COL24A1: variants seen among roughly 807,000 people sequenced by gnomAD.
The protein encoded by COL24A1 is collagen alpha-1(XXIV) chain.
In COL24A1, 224 loss-of-function variants were observed where a neutral mutation model predicts 253.9. The observed-to-expected ratio is 0.88, with a 90% CI of 0.79 to 0.99. The LOEUF is 0.99. Ranked by LOEUF, COL24A1 falls within the 50% of genes least tolerant of loss-of-function variation. COL24A1 has a pLI of 0.00. For synonymous variants in COL24A1, 685 were observed against 673.7 expected, an observed-to-expected ratio of 1.02 and a Z score of -0.26; for missense variants, 2,131 against 2,068.5, an observed-to-expected ratio of 1.03 and a Z score of -0.59.
intron 37 of COL24A1, among the ~76,000 whole-genome samples, chr1:85,861,675 G>A (rs960364298): frequency 1.4e-4 from 21 of 152,126 alleles, no homozygotes; most frequent in Non-Finnish European, 2.4e-4. Context: ...TTGTCTTGGC[G>A]TATGATGTGC....
At chr1:85,818,369 T>C (rs774514684) in intron 45 of COL24A1, among the ~76,000 whole-genome samples, 42 of 152,310 alleles carry the variant, frequency 2.8e-4, no homozygotes, top group African/African-American at 5.3e-4. Flanking sequence ...TTAATAAATG[T>C]CCCTACTTTC....
chr1:85,782,351 G>C (rs1179832729), intron 51 of COL24A1, among the ~76,000 whole-genome samples: 2 of 152,196 alleles, frequency 1.3e-5, no homozygotes, highest in Non-Finnish European at 2.9e-5. Flanking sequence ...GCCTCCCAAA[G>C]TGCTGGGATT....
intron 43 of COL24A1, among the ~76,000 whole-genome samples, chr1:85,829,827 A>C (rs1380196729): frequency 1.3e-5 from 2 of 151,778 alleles, no homozygotes; most frequent in African/African-American, 4.8e-5. Flanking sequence ...CATTCTTCTA[A>C]ATTTTTTTCA....
intron 24 of COL24A1, among the ~76,000 whole-genome samples, chr1:85,946,274 G>A (rs6695831): frequency 1.8e-3 from 275 of 152,142 alleles, no homozygotes; most frequent in African/African-American, 5.8e-3. Context: ...TGACTCCACC[G>A]GGAAAGGACT....
intron 55 of COL24A1, among the ~76,000 whole-genome samples, chr1:85,758,055 T>C (rs1666446397): frequency 6.6e-6 from 1 of 152,136 alleles, no homozygotes; most frequent in African/African-American, 2.4e-5. Flanking sequence ...TCATTATACT[T>C]TGGGAGAATG....
chr1:85,925,817 A>G (rs1224989619), intron 24 of COL24A1, among the ~76,000 whole-genome samples: 3 of 152,234 alleles, frequency 2.0e-5, no homozygotes, highest in African/African-American at 7.2e-5. Flanking sequence ...GCCAAAATAG[A>G]CAAATGGGAT....
chr1:85,913,440 T>C (rs1685565883), intron 24 of COL24A1, among the ~76,000 whole-genome samples: 1 of 152,174 alleles, frequency 6.6e-6, no homozygotes, highest in South Asian at 2.1e-4. Flanking sequence ...GTGGTACTAC[T>C]CACTATTACC....
chr1:85,850,269 C>T (rs1445590862), intron 37 of COL24A1, among the ~76,000 whole-genome samples: 6 of 152,006 alleles, frequency 3.9e-5, no homozygotes, highest in Admixed American at 2.6e-4. Flanking sequence ...TCCCTGCATT[C>T]GCTGGAAATG....
chr1:86,135,766 G>T (rs1023663425), intron 2 of COL24A1, among the ~76,000 whole-genome samples: 5 of 151,872 alleles, frequency 3.3e-5, no homozygotes, highest in African/African-American at 1.2e-4. Context: ...GTGATAAGGG[G>T]GACATATTTG....
At chr1:85,908,008 GAAGCTTCACA>G (rs1685003403) in intron 27 of COL24A1, among the ~76,000 whole-genome samples, 2 of 151,644 alleles carry the variant, frequency 1.3e-5, no homozygotes, top group South Asian at 4.1e-4. Context: ...TTTTAAAACA[GAAGCTTCACA>G]AATAATAAAA....
In COL24A1 at chr1:86,031,867, G is replaced by A. The variant is rs772021188; in HGVS notation, c.2049+11C>T. 13 of 1,595,294 alleles carry A rather than the reference G, an allele frequency of 8.1e-6. No homozygotes were observed. The East Asian group carries it at 2.7e-4, about 33-fold the overall frequency. Reference sequence around the variant, plus strand: ...ATTTTCTTAAGAATGATGATATTTAGTGATACTCACTCTAAGCCCAGGAAA... The same window carrying A: ...ATTTTCTTAAGAATGATGATATTTAATGATACTCACTCTAAGCCCAGGAAA... On this transcript the variant is annotated intron_variant, in intron 14 of 59. Coordinates refer to ENST00000370571, the MANE Select transcript of COL24A1 (RefSeq NM_152890.7).
At position 85,830,703 on chromosome 1, in the gene COL24A1, C is replaced by G. The variant is rs541750122; in HGVS notation, c.3682-6965G>C. On this transcript the variant is annotated intron_variant, in intron 43 of 59. Transcript: ENST00000370571. ...CGATTTTCCAGGTGCCATCTGTCACCTCTTTCTTTGACTAGGAAAGGGAAC... is the reference window on the plus strand; with the variant it reads ...CGATTTTCCAGGTGCCATCTGTCACGTCTTTCTTTGACTAGGAAAGGGAAC... Among the ~76,000 whole-genome samples, 7 of 152,280 alleles carry G rather than the reference C, an allele frequency of 4.6e-5. No homozygotes were observed. The East Asian group carries it at 1.4e-3, about 29-fold the overall frequency.
intron 19 of COL24A1, among the ~76,000 whole-genome samples, chr1:86,000,311 TC>T (rs1695278548): frequency 6.6e-6 from 1 of 152,208 alleles, no homozygotes; most frequent in Non-Finnish European, 1.5e-5. Context: ...ATTTCGTTCT[TC>T]CCAACTAGAC....
chr1:85,989,810 C>T (rs1694073816), intron 19 of COL24A1, among the ~76,000 whole-genome samples: 1 of 152,116 alleles, frequency 6.6e-6, no homozygotes, highest in Non-Finnish European at 1.5e-5. Flanking sequence ...CCTTAAGTTT[C>T]CTCACCTAGA....
intron 20 of COL24A1, among the ~76,000 whole-genome samples, chr1:85,975,993 C>T (rs1159192425): frequency 6.6e-6 from 1 of 152,106 alleles, no homozygotes; most frequent in Non-Finnish European, 1.5e-5. Context: ...GGAAGCCATC[C>T]TTGACTATAT....
intron 8 of COL24A1, 67 bp downstream of exon 8, chr1:86,063,648 C>A: frequency 8.5e-7 from 1 of 1,176,488 alleles, no homozygotes; most frequent in South Asian, 2.0e-5. Flanking sequence ...AAAATAATCT[C>A]TCAAAGGAGT....
At chr1:85,759,969 G>C (rs1490213298) in intron 55 of COL24A1, among the ~76,000 whole-genome samples, 1 of 152,126 alleles carries the variant, frequency 6.6e-6, no homozygotes, top group Non-Finnish European at 1.5e-5. Flanking sequence ...AATTAATGAG[G>C]GTACTTGTAA....
chr1:85,784,191 T>C lies in COL24A1; in HGVS notation c.4168-25A>G, dbSNP rs374336581. On this transcript the variant is annotated intron_variant, in intron 49 of 59. Transcript: ENST00000370571. ...CCTGCAAAGTGAATTGACATGATAA[T>C]AATTATTGTACAATGGCAGCCTGCT... is the stretch of plus-strand genomic sequence containing the variant. 9 of 1,612,576 alleles carry C rather than the reference T, an allele frequency of 5.6e-6. No individual in the cohort carries two copies. The African/African-American group carries it at 6.7e-5, about 12-fold the overall frequency.
At position 86,059,168 on chromosome 1, in the gene COL24A1, G is replaced by T. The variant is rs576997115; in HGVS notation, c.1759C>A (p.Pro587Thr). The T allele has an allele frequency of 1.4e-5, 22 of 1,609,942 alleles. No homozygotes were observed. In the South Asian group the frequency reaches 2.0e-4, roughly 15 times the overall value. ...LPGLPGEQGIPGFAGNIGSPG... is the reference protein window; with the variant it reads ...LPGLPGEQGITGFAGNIGSPG... ...GAACCAATATTACCAGCAAATCCTG[G>T]AATTCCCTGAAATAATAAATAAAAT... The change falls in exon 9 of 60, where the codon CCA becomes ACA. Residue 587 changes from proline to threonine, a missense_variant. By Grantham distance (38) the Pro-to-Thr change is conservative (BLOSUM62 -1). Transcript: ENST00000370571.
Sources: gnomAD v4.1 joint callset for allele counts (sites outside exome capture counted in the v4.1 genomes callset) on GRCh38, gnomAD v4.1.1 for gene constraint, MANE v1.5 for transcripts, NCBI Gene and HGNC (gene_info 2026-07-23, HGNC 2026-07-21) for gene names.